Variants in RUNX1 observed in about 807,000 individuals in gnomAD.
RUNX1 encodes the protein runt-related transcription factor 1.
A neutral mutation model predicts 42.8 loss-of-function variants in RUNX1; 19 were observed. That is an observed-to-expected ratio of 0.44 (90% CI 0.31 to 0.65). The LOEUF is 0.65. Ranked by LOEUF, RUNX1 falls within the 30% of genes least tolerant of loss-of-function variation. The pLI, the probability that RUNX1 is intolerant of heterozygous loss-of-function variation, is 0.07. For missense variants in RUNX1, 528 were observed against 672.0 expected (o/e 0.79, Z 2.37); for synonymous variants, 271 against 289.4 (o/e 0.94, Z 0.64).
intron 2 of RUNX1, among the ~76,000 whole-genome samples, chr21:35,002,484 T>G (rs2105748): frequency 1 from 151,756 of 151,758 alleles, 75,877 homozygotes; most frequent in Middle Eastern, 1. Context: ...CTGGAGTGCA[T>G]TGGCGTGATC....
intron 2 of RUNX1, among the ~76,000 whole-genome samples, chr21:34,949,175 T>C (rs1052770571): frequency 6.6e-6 from 1 of 152,214 alleles, no homozygotes; most frequent in Non-Finnish European, 1.5e-5. Context: ...TGTGATGTTT[T>C]AGTTACATTT....
At chr21:34,980,917 G>A (rs911699093) in intron 2 of RUNX1, among the ~76,000 whole-genome samples, 1 of 152,174 alleles carries the variant, frequency 6.6e-6, no homozygotes, top group Admixed American at 6.5e-5. Context: ...AATAGCTTGA[G>A]GTTACCAAGT....
At chr21:35,014,079 T>C (rs866319640) in intron 2 of RUNX1, among the ~76,000 whole-genome samples, 8 of 152,234 alleles carry the variant, frequency 5.3e-5, no homozygotes, top group South Asian at 2.1e-4. Flanking sequence ...TTATGGGTCA[T>C]GTTAACTTCT....
Position 35,001,709 on chromosome 21 carries a change from T to A in RUNX1, c.58+47133A>T, listed in dbSNP as rs183506000. ...TTGGAAAGTAAGGAGTCAAATTATC[T>A]CTTTACAGATGCCATGATATTATAT... On this transcript the variant is annotated intron_variant, in intron 2 of 8. Coordinates refer to ENST00000675419, the MANE Select transcript of RUNX1 (RefSeq NM_001754.5). Among the ~76,000 whole-genome samples, 67 of 152,298 alleles carry A rather than the reference T, an allele frequency of 4.4e-4. No individual in the cohort carries two copies. In the East Asian group the frequency reaches 8.7e-3, roughly 20 times the overall value.
chr21:35,015,563 C>A lies in RUNX1; in HGVS notation c.58+33279G>T, dbSNP rs114446440. ...GGTGGAAGAGGTGGTGGCTGAGGTG[C>A]GAACATCAAACACAGCCACTCATAA... On this transcript the variant is annotated intron_variant, in intron 2 of 8. Coordinates refer to ENST00000675419, the MANE Select transcript of RUNX1 (RefSeq NM_001754.5). Among the ~76,000 whole-genome samples the A allele has an allele frequency of 7.9e-3, 1,195 of 152,226 alleles. 16 individuals carry two copies. The highest frequency in any genetic ancestry group is 0.027 in the African/African-American group (1,132 of 41,518).
rs111831117 is a variant in RUNX1 at position 34,826,562 on chromosome 21, C to T, written c.805+7848G>A. ...AAGCGATTCTCCTGCCTCAGCCTCCCGGGTAACTAGGACTCAGGTGTGTGC... is the reference window on the plus strand; with the variant it reads ...AAGCGATTCTCCTGCCTCAGCCTCCTGGGTAACTAGGACTCAGGTGTGTGC... On this transcript the variant is annotated intron_variant, in intron 7 of 8. Transcript: ENST00000675419. 1.2e-3 allele frequency among the ~76,000 whole-genome samples: 181 copies of T among 151,546 alleles called. 2 individuals are homozygous for T. The highest frequency in any genetic ancestry group is 3.9e-3 in the African/African-American group (159 of 41,280).
intron 3 of RUNX1, among the ~76,000 whole-genome samples, chr21:34,892,612 G>A (rs1207717864): frequency 2.6e-5 from 4 of 152,188 alleles, no homozygotes; most frequent in Admixed American, 6.5e-5. Context: ...AATAAGCTGG[G>A]CTGTGAGGGA....
At chr21:34,981,073 G>C (rs1046333893) in intron 2 of RUNX1, among the ~76,000 whole-genome samples, 2 of 152,180 alleles carry the variant, frequency 1.3e-5, no homozygotes, top group African/African-American at 4.8e-5. Flanking sequence ...AAATTATTAA[G>C]AGGCTAAAAT....
At chr21:34,992,377 G>A (rs991050858) in intron 2 of RUNX1, among the ~76,000 whole-genome samples, 4 of 152,324 alleles carry the variant, frequency 2.6e-5, no homozygotes, top group South Asian at 4.1e-4. Flanking sequence ...GCACATTCCC[G>A]GCAGCCAGAC....
rs1355006981 is a variant in RUNX1, at chr21:34,901,419, G to A, written c.59-8456C>T. ...TCCCAGCTACTCGAGAGGCTAAGGC[G>A]GGAGAATCGCTTGAACTCGGAAGGC... On this transcript the variant is annotated intron_variant, in intron 2 of 8. Transcript: ENST00000675419. The surrounding 1 kb of genome is among the most constrained non-coding windows in gnomAD (Gnocchi z 4.3). Among the ~76,000 whole-genome samples the A allele has an allele frequency of 2.6e-5, 4 of 152,058 alleles. No homozygotes were observed. The highest frequency in any genetic ancestry group is 4.2e-4 in the South Asian group (2 of 4,810).
intron 6 of RUNX1, among the ~76,000 whole-genome samples, chr21:34,858,091 C>T (rs558795177): frequency 6.6e-6 from 1 of 152,334 alleles, no homozygotes; most frequent in Non-Finnish European, 1.5e-5. Flanking sequence ...TCCTGGTGGC[C>T]TGCCCCTGGT....
At chr21:34,822,948 A>T (rs1297474075) in intron 7 of RUNX1, among the ~76,000 whole-genome samples, 2 of 152,154 alleles carry the variant, frequency 1.3e-5, no homozygotes, top group East Asian at 1.9e-4. Flanking sequence ...GATGTTCTTT[A>T]AAAAAATCCC....
Position 34,923,628 on chromosome 21 carries a change from T to G in RUNX1, c.59-30665A>C, listed in dbSNP as rs142154889. ...GTGCACAAAGGCCAACCTGAACTTG[T>G]GGCTGACCCCATACCTTCTGCTCTT... On this transcript the variant is annotated intron_variant, in intron 2 of 8. Coordinates refer to ENST00000675419, the MANE Select transcript of RUNX1 (RefSeq NM_001754.5). Among the ~76,000 whole-genome samples, 12 of 152,384 alleles carry G rather than the reference T, an allele frequency of 7.9e-5. No homozygotes were observed. In the East Asian group the frequency reaches 2.3e-3, roughly 29 times the overall value.
intron 2 of RUNX1, among the ~76,000 whole-genome samples, chr21:35,008,753 C>T (rs969674904): frequency 6.6e-6 from 1 of 152,176 alleles, no homozygotes; most frequent in African/African-American, 2.4e-5. Context: ...ATGGCAGATA[C>T]CTAGTGGTGG....
At chr21:35,008,078 G>T (rs2059098837) in intron 2 of RUNX1, among the ~76,000 whole-genome samples, 1 of 152,126 alleles carries the variant, frequency 6.6e-6, no homozygotes, top group Non-Finnish European at 1.5e-5. Flanking sequence ...CTGATCCATG[G>T]TGCTCCTTGG....
In RUNX1 at chr21:34,791,968, G is replaced by C. The variant is rs2056442097; in HGVS notation, c.*167C>G. ...TGGGCTTCTGGGCGCAGGAGGCTGC[G>C]CGGGCCTGACCTACAGCGAGATCCT... On this transcript the variant is annotated 3_prime_UTR_variant, in exon 9 of 9. Coordinates refer to ENST00000675419, the MANE Select transcript of RUNX1 (RefSeq NM_001754.5). The C allele has an allele frequency of 2.1e-5, 9 of 434,582 alleles. No individual in the cohort carries two copies. The highest frequency in any genetic ancestry group is 2.0e-4 in the South Asian group (8 of 40,832). The allele number at this position is 434,582 out of a possible 1,614,324, so 26.9% of individuals were successfully genotyped here. A position where few individuals can be genotyped will look rare whatever the true frequency, so the allele number is the denominator to read the frequency against.
chr21:35,033,365 C>A (rs576798436), intron 2 of RUNX1, among the ~76,000 whole-genome samples: 1 of 152,312 alleles, frequency 6.6e-6, no homozygotes, highest in South Asian at 2.1e-4. Context: ...ATCCTTTGCA[C>A]GAGCTACCAA....
intron 2 of RUNX1, among the ~76,000 whole-genome samples, chr21:34,987,622 A>C (rs1238014486): frequency 6.6e-6 from 1 of 152,166 alleles, no homozygotes; most frequent in Non-Finnish European, 1.5e-5. Context: ...TATGGTTAGG[A>C]GGCCTCCTTT....
intron 6 of RUNX1, among the ~76,000 whole-genome samples, chr21:34,848,681 C>G (rs867288834): frequency 7.9e-5 from 12 of 152,156 alleles, no homozygotes; most frequent in Non-Finnish European, 1.5e-4. Flanking sequence ...GTAATCGGCC[C>G]ACCTCGGGCT....
Sources: gnomAD v4.1 joint callset for allele counts (sites outside exome capture counted in the v4.1 genomes callset) on GRCh38, gnomAD v4.1.1 for gene constraint, Gnocchi (gnomAD v3.1) non-coding constraint, MANE v1.5 for transcripts, NCBI Gene and HGNC (gene_info 2026-07-23, HGNC 2026-07-21) for gene names.